The following NPRL3 variants were observed in gnomAD, a reference collection of about 807,000 sequenced individuals.
The protein encoded by NPRL3 is GATOR1 complex protein NPRL3.
Under a neutral mutation model 57.2 loss-of-function variants are expected in NPRL3, and 23 were observed. That is an observed-to-expected ratio of 0.40 (90% CI 0.29 to 0.57). The LOEUF (loss-of-function observed/expected upper bound fraction) is 0.57, where lower values mean the gene tolerates loss of function less well. NPRL3 is among the 20% of genes least tolerant of loss of function. NPRL3 has a pLI of 0.42. For missense variants in NPRL3, 691 were observed against 767.1 expected, an observed-to-expected ratio of 0.90 and a Z score of 1.17; for synonymous variants, 333 against 321.1, an observed-to-expected ratio of 1.04 and a Z score of -0.39.
At chr16:87,640 C>T (rs1394788518) in intron 13 of NPRL3, among the ~76,000 whole-genome samples, 1 of 151,662 alleles carries the variant, frequency 6.6e-6, no homozygotes, top group Non-Finnish European at 1.5e-5. Context: ...CCATTCTCCT[C>T]CTCCCGCCAA....
At chr16:126,788 A>G (rs1307173336) in intron 3 of NPRL3, among the ~76,000 whole-genome samples, 2 of 152,230 alleles carry the variant, frequency 1.3e-5, no homozygotes, top group Non-Finnish European at 2.9e-5. Flanking sequence ...ACACTGGACA[A>G]TATCCATTTT....
chr16:122,903 G>A (rs1010412678), intron 3 of NPRL3, among the ~76,000 whole-genome samples: 2 of 152,224 alleles, frequency 1.3e-5, no homozygotes, highest in African/African-American at 4.8e-5. Context: ...GACACTGTGT[G>A]TACCTCCAAG....
chr16:93,253 C>T lies in NPRL3; in HGVS notation c.997G>A (p.Val333Ile), dbSNP rs367664536. 2.3e-4 allele frequency: 353 copies of T among 1,559,140 alleles called. No homozygotes were observed. The highest frequency in any genetic ancestry group is 2.9e-4 in the Non-Finnish European group (329 of 1,151,470). Residue 333 changes from valine (V) to isoleucine (I), a missense_variant, in exon 10 of 14, where the codon GTC becomes ATC. Physicochemically the swap from Val to Ile is conservative, Grantham distance 29. Transcript: ENST00000611875. ...CTGGCATTGGGAGACAGCATGTAGA[C>T]GTTGTTCTCACACAGCGGGTAGATG... ...IIIYPLCENN[V>I]YMLSPNASVC...
chr16:120,930 G>C (rs940050984), intron 3 of NPRL3, among the ~76,000 whole-genome samples: 5 of 152,166 alleles, frequency 3.3e-5, no homozygotes, highest in African/African-American at 4.8e-5. Flanking sequence ...TCTAGCAACT[G>C]ACCCAGGGCC....
At chr16:116,789 C>G (rs1371852252) in intron 5 of NPRL3, among the ~76,000 whole-genome samples, 1 of 130,342 alleles carries the variant, frequency 7.7e-6, no homozygotes, top group Non-Finnish European at 1.7e-5. Flanking sequence ...ATGGCGAGAC[C>G]CCCCCCCCCC....
chr16:120,611 G>A (rs1195264122), intron 3 of NPRL3, among the ~76,000 whole-genome samples: 11 of 152,120 alleles, frequency 7.2e-5, no homozygotes, highest in Non-Finnish European at 1.0e-4. Flanking sequence ...AACCACATAC[G>A]AGGGTTTGGT....
chr16:85,388 G>C lies in NPRL3; in HGVS notation c.*1317C>G. On this transcript the variant is annotated 3_prime_UTR_variant, in exon 14 of 14. Coordinates refer to ENST00000611875, the MANE Select transcript of NPRL3 (RefSeq NM_001077350.3). ...CCTAGGGAGGCTCCACTTCCAAACT[G>C]TCCGTCCCACAGGGGACGGGGCTTG... is the stretch of plus-strand genomic sequence containing the variant. The C allele has an allele frequency of 4.4e-6, 7 of 1,589,970 alleles. No individual in the cohort carries two copies. Among genetic ancestry groups the C allele is most frequent in the Non-Finnish European group, 3.4e-6 (4 of 1,167,514 alleles).
At position 89,765 on chromosome 16, in the gene NPRL3, C is replaced by T. The variant is rs749182879; in HGVS notation, c.1299G>A (p.Arg433=). The T allele has an allele frequency of 1.9e-6, 3 of 1,598,688 alleles. No individual in the cohort carries two copies. Among genetic ancestry groups the T allele is most frequent in the African/African-American group, 1.4e-5 (1 of 74,006 alleles). Residue 433 remains arginine, a synonymous_variant, in exon 12 of 14, where the codon CGG becomes CGA. Transcript: ENST00000611875. Reference sequence around the variant, plus strand: ...GCGTGCTGAGGCTGCGACCGCCGACCCGGGCAGTGAAGGGGACGTCGTCCT... The same window carrying T: ...GCGTGCTGAGGCTGCGACCGCCGACTCGGGCAGTGAAGGGGACGTCGTCCT... ...PREDDVPFTA[R]VGGRSLSTPN... is the part of the protein sequence containing the mutation.
chr16:127,845 G>A (rs879853942), intron 3 of NPRL3, among the ~76,000 whole-genome samples: 69 of 151,264 alleles, frequency 4.6e-4, no homozygotes, highest in African/African-American at 1.2e-3. Flanking sequence ...TAGTAGAGAT[G>A]GGGTTTCACC....
chr16:106,235 G>A (rs1469093585), intron 7 of NPRL3, among the ~76,000 whole-genome samples: 2 of 152,184 alleles, frequency 1.3e-5, no homozygotes, highest in Admixed American at 1.3e-4. Context: ...TTAAGCCCGG[G>A]AGACGGAGGT....
At position 86,684 on chromosome 16, in the gene NPRL3, C is replaced by T; in HGVS notation, c.*21G>A. The T allele has an allele frequency of 6.5e-7, 1 of 1,539,430 alleles. No homozygotes were observed. On this transcript the variant is annotated 3_prime_UTR_variant, in exon 14 of 14. Coordinates refer to ENST00000611875, the MANE Select transcript of NPRL3 (RefSeq NM_001077350.3). Reference sequence around the variant, plus strand: ...AGCGCCCACCTGCGCACCCCAGCAGCCTTCCGCCCTCCGCCTGGGCTCAGG... The same window carrying T: ...AGCGCCCACCTGCGCACCCCAGCAGTCTTCCGCCCTCCGCCTGGGCTCAGG...
At chr16:104,316 A>T (rs1309640912) in intron 7 of NPRL3, among the ~76,000 whole-genome samples, 2 of 151,300 alleles carry the variant, frequency 1.3e-5, no homozygotes, top group Non-Finnish European at 3.0e-5. Flanking sequence ...ATTAACGTTT[A>T]AAAAAAAAGA....
At chr16:108,869 A>G (rs1055134945) in intron 7 of NPRL3, among the ~76,000 whole-genome samples, 4 of 151,132 alleles carry the variant, frequency 2.6e-5, no homozygotes, top group African/African-American at 9.7e-5. Flanking sequence ...AGCGGGTTTC[A>G]CCATGTTAGC....
chr16:127,859 T>C (rs1450831444), intron 3 of NPRL3, among the ~76,000 whole-genome samples: 1 of 151,482 alleles, frequency 6.6e-6, no homozygotes, highest in Non-Finnish European at 1.5e-5. Flanking sequence ...TTTCACCGTG[T>C]TAGCCAGGAT....
Position 119,176 on chromosome 16 carries a change from T to C in NPRL3, c.268A>G (p.Asn90Asp). 1 of 1,613,314 alleles carries C rather than the reference T, an allele frequency of 6.2e-7. No individual in the cohort carries two copies. Among genetic ancestry groups the C allele is most frequent in the South Asian group, 1.1e-5 (1 of 90,898 alleles). ...CGQKFELKIDNVRFVGHPTLL... is the reference protein window; with the variant it reads ...CGQKFELKIDDVRFVGHPTLL... Reference sequence around the variant, plus strand: ...GTTGGGTGCCCAACAAATCGCACATTATCAATCTTCAGTTCAAATTTTTGG... The same window carrying C: ...GTTGGGTGCCCAACAAATCGCACATCATCAATCTTCAGTTCAAATTTTTGG... Residue 90 changes from asparagine (N) to aspartate (D), a missense_variant, in exon 4 of 14, where the codon AAT (asparagine) becomes GAT (aspartate). Physicochemically the swap from Asn to Asp is conservative, Grantham distance 23 (BLOSUM62 1). Transcript: ENST00000611875.
At chr16:98,927 ACT>A (rs767651290) in intron 8 of NPRL3, among the ~76,000 whole-genome samples, 1 of 152,084 alleles carries the variant, frequency 6.6e-6, no homozygotes, top group African/African-American at 2.4e-5. Context: ...ACAGAGTGAG[ACT>A]CTGTCTCAAA....
chr16:138,119 AG>A, intron 2 of NPRL3, 30 bp downstream of exon 2: 1 of 1,537,134 alleles, frequency 6.5e-7, no homozygotes, highest in Non-Finnish European at 8.8e-7. Context: ...GGCCCCCGCG[AG>A]CGCCAGGCCC....
At chr16:107,697 G>A (rs528786957) in intron 7 of NPRL3, among the ~76,000 whole-genome samples, 1 of 152,040 alleles carries the variant, frequency 6.6e-6, no homozygotes. Context: ...ATGTTGCTGG[G>A]GCTGGAGTAC....
In NPRL3 at chr16:86,706, C is replaced by T. The variant is rs2141894552; in HGVS notation, c.1709G>A (p.Ter570=). 7 of 1,552,192 alleles carry T rather than the reference C, an allele frequency of 4.5e-6. No individual in the cohort carries two copies. The South Asian group carries it at 8.3e-5, about 18-fold the overall frequency. The change falls in exon 14 of 14, where the codon TGA becomes TAA. Residue 570 remains the stop codon, a stop_retained_variant. Coordinates refer to ENST00000611875, the MANE Select transcript of NPRL3 (RefSeq NM_001077350.3). ...VIAVFQALLP[*] The stretch of plus-strand genomic sequence containing the variant: ...CAGCCTTCCGCCCTCCGCCTGGGCT[C>T]AGGGGAGCAGAGCCTGGAAGACGGC...
Sources: gnomAD v4.1 joint callset for allele counts (sites outside exome capture counted in the v4.1 genomes callset) on GRCh38, gnomAD v4.1.1 for gene constraint, MANE v1.5 for transcripts, NCBI Gene and HGNC (gene_info 2026-07-23, HGNC 2026-07-21) for gene names.